The following STK39 variants were observed in gnomAD, a reference collection of about 807,000 sequenced individuals.
STK39 encodes STE20/SPS1-related proline-alanine-rich protein kinase.
STK39 carries 20 observed loss-of-function variants against 77.8 expected under a neutral mutation model. The ratio of observed to expected loss-of-function variants is 0.26; its 90% CI spans 0.18 to 0.37. The LOEUF is 0.37. Ranked by LOEUF, STK39 falls within the 10% of genes least tolerant of loss-of-function variation. The probability of loss-of-function intolerance (pLI) is 1.00; values close to 1 mark genes in which losing one functional copy is unlikely to be tolerated. For missense variants in STK39, 479 were observed against 656.5 expected (o/e 0.73, Z 2.95); for synonymous variants, 246 against 234.1 (o/e 1.05, Z -0.47).
chr2:168,096,198 T>G (rs961207490), intron 10 of STK39, among the ~76,000 whole-genome samples: 4 of 152,196 alleles, frequency 2.6e-5, no homozygotes, highest in Non-Finnish European at 5.9e-5. Context: ...AATTGATTCG[T>G]GTTTATTACA....
At chr2:168,212,917 A>G (rs1245525802) in intron 1 of STK39, among the ~76,000 whole-genome samples, 1 of 152,220 alleles carries the variant, frequency 6.6e-6, no homozygotes, top group Non-Finnish European at 1.5e-5. Context: ...CACAAAAAAG[A>G]TAAAGCAGAA....
intron 8 of STK39, 64 bp from the exon 9 acceptor site, chr2:168,129,822 G>T: frequency 6.4e-7 from 1 of 1,560,792 alleles, no homozygotes; most frequent in East Asian, 2.2e-5. Context: ...CTGCCTTGAT[G>T]AAACAACTTA....
In STK39 at chr2:168,075,366, C is replaced by T. The variant is rs914165607; in HGVS notation, c.1090-135G>A. The T allele has an allele frequency of 5.6e-5, 68 of 1,220,776 alleles. No individual in the cohort carries two copies. The Middle Eastern group carries it at 5.9e-4, about 11-fold the overall frequency. 75.6% of individuals were successfully genotyped at this position (1,220,776 alleles called of 1,614,324 possible). On this transcript the variant is annotated intron_variant, in intron 10 of 17. Transcript: ENST00000355999. ...TGGCTGTGAATCCAGGGATAGCTAGCGGTTAAGATCCAAAAAGACTACACA... is the reference window on the plus strand; with the variant it reads ...TGGCTGTGAATCCAGGGATAGCTAGTGGTTAAGATCCAAAAAGACTACACA...
chr2:168,105,368 G>A (rs753832529), intron 10 of STK39, among the ~76,000 whole-genome samples: 12 of 152,198 alleles, frequency 7.9e-5, no homozygotes, highest in Admixed American at 3.3e-4. Context: ...CTCAGAACAA[G>A]CTCCAGACCA....
chr2:168,140,881 C>T (rs1204668194), intron 5 of STK39, 123 bp from the exon 6 acceptor site: 6 of 728,704 alleles, frequency 8.2e-6, no homozygotes, highest in Non-Finnish European at 1.3e-5. Context: ...CCAAACATGT[C>T]TACGGTGCTC....
chr2:168,088,733 T>C (rs1220342476), intron 10 of STK39, among the ~76,000 whole-genome samples: 1 of 152,164 alleles, frequency 6.6e-6, no homozygotes, highest in Non-Finnish European at 1.5e-5. Flanking sequence ...TTTCTAGATA[T>C]GTTCGTATAT....
intron 16 of STK39, among the ~76,000 whole-genome samples, chr2:167,988,295 C>T (rs879443583): frequency 2.6e-5 from 4 of 152,076 alleles, no homozygotes; most frequent in African/African-American, 7.2e-5. Flanking sequence ...TGATTTTTTT[C>T]CTGCAAAGAA....
At position 167,988,271 on chromosome 2, in the gene STK39, T is replaced by C. The variant is rs143358774; in HGVS notation, c.1499-23545A>G. ...ACAGCAGGGGCCAGTGTGACGTCTA[T>C]CTCATGTAAAAGCTGATTTTTTTCC... On this transcript the variant is annotated intron_variant, in intron 16 of 17. Transcript: ENST00000355999. Among the ~76,000 whole-genome samples the C allele has an allele frequency of 3.3e-5, 5 of 152,282 alleles. No individual in the cohort carries two copies. In the East Asian group the frequency reaches 9.6e-4, roughly 29 times the overall value.
chr2:168,131,054 G>A (rs1047640771), intron 8 of STK39, among the ~76,000 whole-genome samples: 19 of 152,210 alleles, frequency 1.2e-4, no homozygotes, highest in Admixed American at 2.0e-4. Flanking sequence ...TTTTAGGAAC[G>A]TGCTCTTCAT....
chr2:168,148,994 G>A (rs1688212676), intron 5 of STK39, among the ~76,000 whole-genome samples: 1 of 152,196 alleles, frequency 6.6e-6, no homozygotes, highest in South Asian at 2.1e-4. Context: ...TAACTTCTCA[G>A]TATCAGTTCT....
Position 168,223,404 on chromosome 2 carries a change from C to T in STK39, c.208+23824G>A, listed in dbSNP as rs138460834. Among the ~76,000 whole-genome samples the T allele has an allele frequency of 1.3e-3, 192 of 148,378 alleles. 3 individuals carry two copies. Among genetic ancestry groups the T allele is most frequent in the Non-Finnish European group, 1.6e-3 (105 of 67,404 alleles). On this transcript the variant is annotated intron_variant, in intron 1 of 17. Coordinates refer to ENST00000355999, the MANE Select transcript of STK39 (RefSeq NM_013233.3). ...GCACGTGACTGTAATCCCAGCTAATCGGGAGGGCGAGGCAGGAGAATTGCT... is the reference window on the plus strand; with the variant it reads ...GCACGTGACTGTAATCCCAGCTAATTGGGAGGGCGAGGCAGGAGAATTGCT...
chr2:168,193,299 T>C (rs1027101101), intron 1 of STK39, among the ~76,000 whole-genome samples: 2 of 150,298 alleles, frequency 1.3e-5, no homozygotes, highest in African/African-American at 2.5e-5. Context: ...AAGTCTTTCT[T>C]CCCCCCCCTC....
intron 16 of STK39, among the ~76,000 whole-genome samples, chr2:168,008,378 A>G (rs1434142557): frequency 6.6e-6 from 1 of 152,200 alleles, no homozygotes; most frequent in East Asian, 1.9e-4. Flanking sequence ...AGTCAAGGAC[A>G]ATGCCCAGGG....
chr2:167,994,188 T>C (rs1683772492), intron 16 of STK39, among the ~76,000 whole-genome samples: 1 of 152,196 alleles, frequency 6.6e-6, no homozygotes, highest in Non-Finnish European at 1.5e-5. Context: ...CCATCTCAAA[T>C]ATAATATAAA....
At chr2:168,053,201 T>C (rs1685441392) in intron 14 of STK39, among the ~76,000 whole-genome samples, 1 of 152,194 alleles carries the variant, frequency 6.6e-6, no homozygotes, top group African/African-American at 2.4e-5. Flanking sequence ...AATAACACTT[T>C]TTCAGTAATA....
chr2:168,130,522 T>G (rs1187353302), intron 8 of STK39, among the ~76,000 whole-genome samples: 1 of 152,184 alleles, frequency 6.6e-6, no homozygotes, highest in Non-Finnish European at 1.5e-5. Context: ...CTGTTAGTGA[T>G]GCTAAATTTA....
At chr2:167,964,579 T>C (rs1243347155) in intron 17 of STK39, 83 bp downstream of exon 17, 2 of 1,239,734 alleles carry the variant, frequency 1.6e-6, no homozygotes, top group African/African-American at 1.5e-5. Flanking sequence ...AATTACAGAG[T>C]AGGTTATTAA....
intron 5 of STK39, among the ~76,000 whole-genome samples, chr2:168,156,423 G>A (rs1688430307): frequency 6.6e-6 from 1 of 152,148 alleles, no homozygotes; most frequent in South Asian, 2.1e-4. Context: ...GATACAGTCA[G>A]ATCTACACTG....
At chr2:168,206,363 C>T (rs976906131) in intron 1 of STK39, among the ~76,000 whole-genome samples, 7 of 150,976 alleles carry the variant, frequency 4.6e-5, no homozygotes, top group Admixed American at 6.6e-5. Context: ...TGCAATGGCG[C>T]GATCTCAGCT....
Sources: gnomAD v4.1 joint callset for allele counts (sites outside exome capture counted in the v4.1 genomes callset) on GRCh38, gnomAD v4.1.1 for gene constraint, MANE v1.5 for transcripts, NCBI Gene and HGNC (gene_info 2026-07-23, HGNC 2026-07-21) for gene names.